Variants in GRAMD1A observed in about 807,000 individuals in gnomAD.
GRAMD1A encodes the protein protein Aster-A.
Under a neutral mutation model 92.0 loss-of-function variants are expected in GRAMD1A, and 50 were observed. The ratio of observed to expected loss-of-function variants is 0.54; its 90% CI spans 0.43 to 0.69. The LOEUF (loss-of-function observed/expected upper bound fraction) is 0.69, where lower values mean the gene tolerates loss of function less well. Among genes scored for constraint, GRAMD1A ranks in the 30% least tolerant of loss-of-function variants. The pLI is 0.00. For missense variants in GRAMD1A, 819 were observed against 978.9 expected, an observed-to-expected ratio of 0.84 and a Z score of 2.18; for synonymous variants, 405 against 403.6, an observed-to-expected ratio of 1.00 and a Z score of -0.04.
chr19:35,023,557 G>T lies in GRAMD1A; in HGVS notation c.2082+10G>T. On this transcript the variant is annotated intron_variant, in intron 19 of 19. Transcript: ENST00000317991. ...GGAGCTCCTGGATGAGGTAGGAGGC[G>T]CCGCTCGGGCAGGGCTCGGGGCTGC... is the stretch of plus-strand genomic sequence containing the variant. The T allele has an allele frequency of 6.4e-7, 1 of 1,564,456 alleles. No homozygotes were observed. Among genetic ancestry groups the T allele is most frequent in the Non-Finnish European group, 8.6e-7 (1 of 1,160,282 alleles).
chr19:35,023,138 G>A (rs2016192594), intron 17 of GRAMD1A, 98 bp from the exon 18 acceptor site: 1 of 902,370 alleles, frequency 1.1e-6, no homozygotes, highest in Non-Finnish European at 1.8e-6. Flanking sequence ...CTCCTCCTCT[G>A]CAATGGGGGA....
chr19:34,995,570 GGTTT>G (rs1185886931), upstream of GRAMD1A, among the ~76,000 whole-genome samples: 45 of 80,982 alleles, frequency 5.6e-4, 5 homozygotes, highest in South Asian at 3.2e-3. Flanking sequence ...TCAGATCACG[GGTTT>G]TTTTTTTTTT....
chr19:34,994,811 G>C (rs755322322), exon 1 of GRAMD1A: 1 of 152,328 alleles, frequency 6.6e-6, no homozygotes, highest in South Asian at 2.1e-4. Context: ...GGACAGAGGA[G>C]GAGGACCCAA....
chr19:35,011,931 G>A (rs1268631031), intron 7 of GRAMD1A, among the ~76,000 whole-genome samples: 1 of 152,078 alleles, frequency 6.6e-6, no homozygotes, highest in East Asian at 1.9e-4. Context: ...GCACTCACGC[G>A]CTGCCTTCTC....
chr19:35,009,432 A>G lies in GRAMD1A; in HGVS notation c.229A>G (p.Ser77Gly). The G allele has an allele frequency of 6.2e-7, 1 of 1,613,910 alleles. No homozygotes were observed. The highest frequency in any genetic ancestry group is 8.5e-7 in the Non-Finnish European group (1 of 1,180,008). ...NFIRNSKKMQ[S>G]WYSMLSPTYK... is the part of the protein sequence containing the mutation. ...CTCCTTTTCTTTGCAGAAGATGCAG[A>G]GCTGGTACAGTGTAAGTGTCTGGGC... The change falls in exon 3 of 20, where the codon AGC becomes GGC. Residue 77 changes from serine (S) to glycine (G), a missense_variant. Physicochemically the swap from Ser to Gly is moderately conservative, Grantham distance 56. Coordinates refer to ENST00000317991, the MANE Select transcript of GRAMD1A (RefSeq NM_020895.5).
rs751064360 is a variant in GRAMD1A, at chr19:35,019,438, C to T, written c.1380C>T (p.Ser460=). ...AGGCCGGCGGGTGTGTGGTGGACTC[C>T]GAGGTGCTGACGCAGGGCATCCCCT... ...GPQAGGCVVD[S]EVLTQGIPYQ... The change falls in exon 13 of 20, where the codon TCC becomes TCT. Residue 460 remains serine, a synonymous_variant. Coordinates refer to ENST00000317991, the MANE Select transcript of GRAMD1A (RefSeq NM_020895.5). The T allele has an allele frequency of 6.2e-6, 10 of 1,613,872 alleles. No homozygotes were observed. The highest frequency in any genetic ancestry group is 4.5e-5 in the East Asian group (2 of 44,884).
At chr19:34,995,038 C>G (rs564895942) in intron 1 of GRAMD1A, among the ~76,000 whole-genome samples, 6 of 152,220 alleles carry the variant, frequency 3.9e-5, no homozygotes, top group African/African-American at 1.4e-4. Context: ...ACATCACAGC[C>G]ACAGAGCAGA....
intron 1 of GRAMD1A, among the ~76,000 whole-genome samples, chr19:35,006,308 C>G (rs542787466): frequency 6.6e-6 from 1 of 152,054 alleles, no homozygotes; most frequent in African/African-American, 2.4e-5. Flanking sequence ...GGTGACAGCG[C>G]GACTCTTTGT....
At chr19:35,018,429 AGG>A (rs1013156584) in intron 11 of GRAMD1A, among the ~76,000 whole-genome samples, 1 of 152,174 alleles carries the variant, frequency 6.6e-6, no homozygotes, top group African/African-American at 2.4e-5. Flanking sequence ...GCAAACCATG[AGG>A]GATCCGCCCC....
upstream of GRAMD1A, chr19:34,996,032 G>A: frequency 1.3e-6 from 2 of 1,534,906 alleles, no homozygotes; most frequent in Non-Finnish European, 1.7e-6. Flanking sequence ...CATGGATGAT[G>A]TCCTGCCCCT....
intron 1 of GRAMD1A, among the ~76,000 whole-genome samples, chr19:35,002,989 G>A (rs1176858480): frequency 5.9e-5 from 9 of 152,050 alleles, no homozygotes. Flanking sequence ...GTGTCTGTGT[G>A]CACACATGCA....
In GRAMD1A at chr19:35,013,344, C is replaced by T. The variant is rs1323825707; in HGVS notation, c.695C>T (p.Ser232Phe). 6.4e-7 allele frequency: 1 copy of T among 1,554,694 alleles called. No homozygotes were observed. Among genetic ancestry groups the T allele is most frequent in the Non-Finnish European group, 8.7e-7 (1 of 1,147,222 alleles). Residue 232 changes from serine to phenylalanine, a missense_variant, in exon 8 of 20, where the codon TCC (serine) becomes TTC (phenylalanine). Coordinates refer to ENST00000317991, the MANE Select transcript of GRAMD1A (RefSeq NM_020895.5). The surrounding 1 kb of genome is among the most constrained non-coding windows in gnomAD (Gnocchi z 4.9). ...GLTSEDEDYV[S>F]PLQLNGLGTP... ...ACCAGTGAGGATGAGGACTATGTCT[C>T]CCCCTTGCAGCTGAACGGTCTGGGG...
Position 35,000,570 on chromosome 19 carries a change from G to A in GRAMD1A, c.8+84G>A. The A allele has an allele frequency of 9.1e-7, 1 of 1,103,500 alleles. No homozygotes were observed. Among genetic ancestry groups the A allele is most frequent in the Middle Eastern group, 3.5e-4 (1 of 2,862 alleles). The allele number at this position is 1,103,500 out of a possible 1,614,324, so 68.4% of individuals were successfully genotyped here. A position where few individuals can be genotyped will look rare whatever the true frequency, so the allele number is the denominator to read the frequency against. On this transcript the variant is annotated intron_variant, in intron 1 of 19. Transcript: ENST00000317991. This position sits in a 1 kb window ranked among gnomAD's most constrained non-coding sequence, Gnocchi z 4.9. ...AGGGGGCGCCGCGGGCTTGGGGAGGGGGCGGAGCGGCCGCTGCAGAGGTCG... is the reference window on the plus strand; with the variant it reads ...AGGGGGCGCCGCGGGCTTGGGGAGGAGGCGGAGCGGCCGCTGCAGAGGTCG...
At chr19:35,026,027 C>T (rs752476493) in intron 19 of GRAMD1A, 22 bp from the exon 20 acceptor site, 3 of 1,339,654 alleles carry the variant, frequency 2.2e-6, no homozygotes, top group Non-Finnish European at 3.2e-6. Flanking sequence ...CACCCCCGAC[C>T]CTGCTCACCT....
chr19:35,007,429 G>A (rs985633274), intron 1 of GRAMD1A, among the ~76,000 whole-genome samples: 2 of 152,236 alleles, frequency 1.3e-5, no homozygotes, highest in Admixed American at 6.5e-5. Flanking sequence ...ATGATGGCGG[G>A]TGCCTATGAT....
chr19:35,009,548 G>A, intron 3 of GRAMD1A, 105 bp downstream of exon 3: 11 of 1,180,408 alleles, frequency 9.3e-6, no homozygotes, highest in Non-Finnish European at 1.4e-5. Flanking sequence ...GATGGAGTGG[G>A]TGCAGACCTA....
In GRAMD1A at chr19:35,009,265, G is replaced by A; in HGVS notation, c.155G>A (p.Gly52Asp). 1.9e-6 allele frequency: 3 copies of A among 1,614,084 alleles called. No homozygotes were observed. The highest frequency in any genetic ancestry group is 1.1e-5 in the South Asian group (1 of 91,076). The change falls in exon 2 of 20, where the codon GGT becomes GAT. Residue 52 changes from glycine (G) to aspartate (D), a missense_variant. Around this residue, in one of 3 missense-constraint regions of GRAMD1A, gnomAD observed 98 missense variants for 84.0 expected, o/e 1.17. Coordinates refer to ENST00000317991, the MANE Select transcript of GRAMD1A (RefSeq NM_020895.5). ...EKGSDSSSEK[G>D]GVPGTPSTQS... ...GGATCAGATAGCTCCTCAGAGAAGG[G>A]TGGGGTGCCTGGGACCCCCAGCACC...
At chr19:35,006,455 G>A (rs1043681656) in intron 1 of GRAMD1A, among the ~76,000 whole-genome samples, 15 of 152,200 alleles carry the variant, frequency 9.9e-5, no homozygotes, top group East Asian at 1.9e-4. Context: ...GAAATAATAC[G>A]GTTAATCATA....
At position 35,013,601 on chromosome 19, in the gene GRAMD1A, T is replaced by C; in HGVS notation, c.780T>C (p.Ala260=). Residue 260 remains alanine (A), a synonymous_variant, in exon 9 of 20, where the codon GCT becomes GCC. Coordinates refer to ENST00000317991, the MANE Select transcript of GRAMD1A (RefSeq NM_020895.5). This position sits in a 1 kb window ranked among gnomAD's most constrained non-coding sequence, Gnocchi z 4.9. The part of the protein sequence containing the change: ...ALSDITSSGA[A]DRSQEPSPVG... ...GCGACATCACCTCCTCGGGGGCAGCTGACCGCAGCCAGGAGCCAAGCCCAG... is the reference window on the plus strand; with the variant it reads ...GCGACATCACCTCCTCGGGGGCAGCCGACCGCAGCCAGGAGCCAAGCCCAG... 1 of 1,613,582 alleles carries C rather than the reference T, an allele frequency of 6.2e-7. No homozygotes were observed. Among genetic ancestry groups the C allele is most frequent in the East Asian group, 2.2e-5 (1 of 44,884 alleles).
Sources: gnomAD v4.1 joint callset for allele counts (sites outside exome capture counted in the v4.1 genomes callset) on GRCh38, gnomAD v4.1.1 for gene constraint, gnomAD v4.1.1 regional missense constraint, Gnocchi (gnomAD v3.1) non-coding constraint, MANE v1.5 for transcripts, NCBI Gene and HGNC (gene_info 2026-07-23, HGNC 2026-07-21) for gene names.